The following AKAP9 variants were observed in gnomAD, a reference collection of about 807,000 sequenced individuals.
AKAP9 encodes the protein A-kinase anchor protein 9.
AKAP9 carries 311 observed loss-of-function variants against 488.5 expected under a neutral mutation model. The observed-to-expected ratio is 0.64, with a 90% CI of 0.58 to 0.70. The LOEUF is 0.70. AKAP9 is among the 30% of genes least tolerant of loss of function. The pLI, the probability that AKAP9 is intolerant of heterozygous loss-of-function variation, is 0.00. For synonymous variants in AKAP9, 1,462 were observed against 1,483.5 expected, an observed-to-expected ratio of 0.99 and a Z score of 0.33; for missense variants, 4,215 against 4,374.5, an observed-to-expected ratio of 0.96 and a Z score of 1.03.
chr7:91,946,598 T>C (rs1791479490), intron 1 of AKAP9, among the ~76,000 whole-genome samples: 1 of 152,166 alleles, frequency 6.6e-6, no homozygotes, highest in African/African-American at 2.4e-5. Flanking sequence ...GGTCTTGAAC[T>C]CCTGGGCTCA....
intron 21 of AKAP9, 51 bp from the exon 22 acceptor site, chr7:92,052,675 A>C (rs1267245032): frequency 7.7e-7 from 1 of 1,298,026 alleles, no homozygotes; most frequent in Admixed American, 2.2e-5. Context: ...TAACTTTAAA[A>C]AATTATGATT....
chr7:92,038,470 A>G lies in AKAP9; in HGVS notation c.4390A>G (p.Ile1464Val), dbSNP rs1361230486. 3 of 1,613,862 alleles carry G rather than the reference A, an allele frequency of 1.9e-6. No homozygotes were observed. Among genetic ancestry groups the G allele is most frequent in the East Asian group, 2.2e-5 (1 of 44,826 alleles). The change falls in exon 17 of 50, where the codon ATA (isoleucine) becomes GTA (valine). Residue 1464 changes from isoleucine to valine, a missense_variant. Physicochemically the swap from Ile to Val is conservative, Grantham distance 29 (BLOSUM62 3). Transcript: ENST00000356239. Reference sequence around the variant, plus strand: ...TGCTCAACAAACTGAACTGTCTAGAATATCTGGGGGAAAAGAAAATACTGC... The same window carrying G: ...TGCTCAACAAACTGAACTGTCTAGAGTATCTGGGGGAAAAGAAAATACTGC... ...AFAQQTELSR[I>V]SGGKENTASS...
At chr7:92,060,355 G>A (rs1376463396) in intron 22 of AKAP9, among the ~76,000 whole-genome samples, 1 of 152,046 alleles carries the variant, frequency 6.6e-6, no homozygotes, top group Non-Finnish European at 1.5e-5. Context: ...TATATGTGAT[G>A]ATTTCTTCTT....
At chr7:92,047,929 T>C (rs778198872) in intron 21 of AKAP9, among the ~76,000 whole-genome samples, 52 of 152,178 alleles carry the variant, frequency 3.4e-4, no homozygotes, top group Non-Finnish European at 5.9e-4. Context: ...ATCTTACTAA[T>C]AAAATTGGAG....
rs1819145075 is a variant in AKAP9 at position 92,110,326 on chromosome 7, A to G, written c.*167A>G. On this transcript the variant is annotated 3_prime_UTR_variant, in exon 50 of 50. Coordinates refer to ENST00000356239, the MANE Select transcript of AKAP9 (RefSeq NM_005751.5). The stretch of plus-strand genomic sequence containing the variant: ...CACATGAAAACAAACTGGAATTTGT[A>G]TATATAAGCATTGTGTATGTATTCA... 1.6e-6 allele frequency: 1 copy of G among 618,752 alleles called. No homozygotes were observed. The highest frequency in any genetic ancestry group is 2.8e-5 in the East Asian group (1 of 36,210). 38.3% of individuals were successfully genotyped at this position (618,752 alleles called of 1,614,324 possible).
intron 38 of AKAP9, among the ~76,000 whole-genome samples, chr7:92,091,617 A>T (rs7811328): frequency 0.4 from 55,724 of 138,688 alleles, 12,380 homozygotes; most frequent in African/African-American, 0.51. Context: ...AAAACAAAGC[A>T]GAAGCATTCT....
In AKAP9 at chr7:92,012,605, C is replaced by G. The variant is rs1800906846; in HGVS notation, c.3495C>G (p.His1165Gln). 10 of 1,613,088 alleles carry G rather than the reference C, an allele frequency of 6.2e-6. No homozygotes were observed. Among genetic ancestry groups the G allele is most frequent in the Admixed American group, 1.7e-5 (1 of 59,962 alleles). ...AGATCAAGGAACTTCAGAAAATACA[C>G]CAGTTAGAACTACAGACTATGAAAA... is the stretch of plus-strand genomic sequence containing the variant. ...EEKIKELQKIHQLELQTMKTQ... is the reference protein window; with the variant it reads ...EEKIKELQKIQQLELQTMKTQ... The change falls in exon 9 of 50, where the codon CAC becomes CAG. Residue 1165 changes from histidine (H) to glutamine (Q), a missense_variant. By Grantham distance (24) the His-to-Gln change is conservative (BLOSUM62 0). Coordinates refer to ENST00000356239, the MANE Select transcript of AKAP9 (RefSeq NM_005751.5).
Position 92,079,878 on chromosome 7 carries a change from A to G in AKAP9, c.7745A>G (p.Glu2582Gly). 2.5e-6 allele frequency: 4 copies of G among 1,614,146 alleles called. No homozygotes were observed. Among genetic ancestry groups the G allele is most frequent in the Non-Finnish European group, 3.4e-6 (4 of 1,180,004 alleles). ...AATCAAACAATTTCATCAGAACCTGAAAGAACAAATATTCAGAATTTAAAT... is the reference window on the plus strand; with the variant it reads ...AATCAAACAATTTCATCAGAACCTGGAAGAACAAATATTCAGAATTTAAAT... ...QDNQTISSEPERTNIQNLNQL... is the reference protein window; with the variant it reads ...QDNQTISSEPGRTNIQNLNQL... Residue 2582 changes from glutamate (E) to glycine (G), a missense_variant, in exon 31 of 50, where the codon GAA (glutamate) becomes GGA (glycine). Glu to Gly is a moderately conservative substitution (Grantham distance 98, BLOSUM62 -2). Transcript: ENST00000356239.
intron 8 of AKAP9, 21 bp downstream of exon 8, chr7:92,003,256 A>G (rs755049509): frequency 6.6e-7 from 1 of 1,521,642 alleles, no homozygotes; most frequent in Non-Finnish European, 9.1e-7. Context: ...TTCTTCATAT[A>G]TGGTAAAGCA....
chr7:92,016,140 T>C lies in AKAP9; in HGVS notation c.3624T>C (p.Ser1208=), dbSNP rs142610139. 424 of 1,603,702 alleles carry C rather than the reference T, an allele frequency of 2.6e-4. 3 individuals carry two copies. In the African/African-American group the frequency reaches 3.4e-3, roughly 13 times the overall value. ...ECSYFLQTLC[S]VLGEYYTPAL... ...TTTGTTGTTAACAGACTTTATGCAG[T>C]GTCCTTGGTGAATATTATACTCCTG... is the stretch of plus-strand genomic sequence containing the variant. The change falls in exon 11 of 50, where the codon AGT becomes AGC. Residue 1208 remains serine (S), a synonymous_variant. Coordinates refer to ENST00000356239, the MANE Select transcript of AKAP9 (RefSeq NM_005751.5).
At position 92,061,272 on chromosome 7, in the gene AKAP9, A is replaced by G. The variant is rs745331338; in HGVS notation, c.5614A>G (p.Lys1872Glu). ...SETSSQLEHA[K>E]VTQTELMRES... ...CCTCTTTGTTTAGCTTGAACATGCGAAAGTGACACAGACAGAGTTGATGCG... is the reference window on the plus strand; with the variant it reads ...CCTCTTTGTTTAGCTTGAACATGCGGAAGTGACACAGACAGAGTTGATGCG... Residue 1872 changes from lysine (K) to glutamate (E), a missense_variant, in exon 23 of 50, where the codon AAA becomes GAA. By Grantham distance (56) the Lys-to-Glu change is moderately conservative (BLOSUM62 1). Around this residue, in one of 5 missense-constraint regions of AKAP9, gnomAD observed 2,361 missense variants for 2,430.0 expected, o/e 0.97. Transcript: ENST00000356239. The G allele has an allele frequency of 3.1e-6, 5 of 1,612,382 alleles. No individual in the cohort carries two copies. Among genetic ancestry groups the G allele is most frequent in the Middle Eastern group, 1.7e-4 (1 of 6,048 alleles).
intron 39 of AKAP9, 95 bp from the exon 40 acceptor site, chr7:92,094,928 A>G: frequency 9.4e-7 from 1 of 1,058,746 alleles, no homozygotes; most frequent in Non-Finnish European, 1.4e-6. Flanking sequence ...AGTTTATTAT[A>G]TGCCTCAACT....
Position 92,082,536 on chromosome 7 carries a change from A to C in AKAP9, c.8034A>C (p.Leu2678=). The C allele has an allele frequency of 6.2e-7, 1 of 1,613,740 alleles. No homozygotes were observed. Among genetic ancestry groups the C allele is most frequent in the Non-Finnish European group, 8.5e-7 (1 of 1,179,750 alleles). The change falls in exon 32 of 50, where the codon CTA becomes CTC. Residue 2678 remains leucine, a synonymous_variant. Transcript: ENST00000356239. ...CTGTCATTCAGACAACTACTGAGCT[A>C]TTTCATAGCAATGAAGAAAGTGGAT... ...DVEVLKTTTE[L]FHSNEESGFF... is the part of the protein sequence containing the mutation.
chr7:92,083,815 A>C (rs1286982524), intron 33 of AKAP9, 160 bp downstream of exon 33: 10 of 678,352 alleles, frequency 1.5e-5, no homozygotes, highest in Non-Finnish European at 2.2e-5. Context: ...TTAAACTCCT[A>C]GTACAATATT....
chr7:92,102,503 C>CACT, intron 45 of AKAP9, 91 bp from the exon 46 acceptor site: 4 of 947,836 alleles, frequency 4.2e-6, no homozygotes, highest in Admixed American at 3.9e-5. Context: ...CCACCACCAC[C>CACT]ACTACTTGTT....
intron 45 of AKAP9, among the ~76,000 whole-genome samples, chr7:92,102,161 TTTAAAAA>T (rs200116997): frequency 0.012 from 1,652 of 137,178 alleles, 19 homozygotes; most frequent in African/African-American, 0.037. Context: ...GTCTCATAAA[TTTAAAAA>T]AAAAATAAAT....
chr7:92,028,403 T>C (rs1187659531), intron 14 of AKAP9, among the ~76,000 whole-genome samples: 1 of 150,634 alleles, frequency 6.6e-6, no homozygotes, highest in Admixed American at 6.6e-5. Context: ...GAGGATTTTC[T>C]AGGCTGTGAA....
intron 46 of AKAP9, among the ~76,000 whole-genome samples, chr7:92,103,943 TTCTC>T (rs1383617750): frequency 6.6e-6 from 1 of 152,010 alleles, no homozygotes; most frequent in Non-Finnish European, 1.5e-5. Context: ...TTATTGTTCT[TTCTC>T]TAGTAATTCC....
At position 92,065,271 on chromosome 7, in the gene AKAP9, A is replaced by G. The variant is rs547028589; in HGVS notation, c.6018A>G (p.Leu2006=). The G allele has an allele frequency of 5.0e-6, 8 of 1,612,490 alleles. No individual in the cohort carries two copies. The African/African-American group carries it at 9.3e-5, about 19-fold the overall frequency. ...QETEKLMKEK[L]EVQCQAEKVR... is the part of the protein sequence containing the mutation. ...CAGAAAAATTAATGAAGGAAAAACT[A>G]GAAGTACAATGTCAAGCTGAAAAAG... is the stretch of plus-strand genomic sequence containing the variant. Residue 2006 remains leucine, a synonymous_variant, in exon 25 of 50, where the codon CTA becomes CTG. Coordinates refer to ENST00000356239, the MANE Select transcript of AKAP9 (RefSeq NM_005751.5).
Sources: gnomAD v4.1 joint callset for allele counts (sites outside exome capture counted in the v4.1 genomes callset) on GRCh38, gnomAD v4.1.1 for gene constraint, gnomAD v4.1.1 regional missense constraint, MANE v1.5 for transcripts, NCBI Gene and HGNC (gene_info 2026-07-23, HGNC 2026-07-21) for gene names.